The following PDK1 variants were observed in gnomAD, a reference collection of about 807,000 sequenced individuals.
The protein encoded by PDK1 is pyruvate dehydrogenase kinase 1.
In PDK1, 39 loss-of-function variants were observed where a neutral mutation model predicts 54.2. The ratio of observed to expected loss-of-function variants is 0.72; its 90% CI spans 0.56 to 0.94. PDK1 has a LOEUF of 0.94. PDK1 is among the 40% of genes least tolerant of loss of function. PDK1 has a pLI of 0.00. For missense variants in PDK1, 552 were observed against 566.0 expected (o/e 0.98, Z 0.25); for synonymous variants, 221 against 207.1 (o/e 1.07, Z -0.58).
At chr2:172,715,067 G>T in the PDK1 span, among the ~76,000 whole-genome samples, 1 of 152,184 alleles carries the variant, frequency 6.6e-6, no homozygotes, top group African/African-American at 2.4e-5. Flanking sequence ...TCTAATATAT[G>T]TTCTGGATAC....
Position 172,566,865 on chromosome 2 carries a change from A to C in PDK1, c.701A>C (p.Glu234Ala). Residue 234 changes from glutamate (E) to alanine (A), a missense_variant, in exon 6 of 11, where the codon GAA becomes GCA. Glu to Ala is a moderately radical substitution (Grantham distance 107). Transcript: ENST00000282077. The part of the protein sequence containing the change: ...NVLEVIKDGY[E>A]NARRLCDLYY... ...TTTTGATTCACACTAGATGGCTATG[A>C]AAATGCTAGGCGTCTGTGTGATTTG... 1.2e-6 allele frequency: 2 copies of C among 1,608,412 alleles called. No homozygotes were observed. The highest frequency in any genetic ancestry group is 2.2e-5 in the South Asian group (2 of 90,614).
chr2:172,642,218 A>G, the PDK1 span, among the ~76,000 whole-genome samples: 1 of 152,184 alleles, frequency 6.6e-6, no homozygotes, highest in Non-Finnish European at 1.5e-5. Context: ...TATTAACGTT[A>G]AGACTTTTGG....
intron 5 of PDK1, among the ~76,000 whole-genome samples, chr2:172,565,298 TTTTTG>T (rs765465126): frequency 1.3e-5 from 2 of 152,196 alleles, no homozygotes; most frequent in Non-Finnish European, 2.9e-5. Flanking sequence ...GAGGATATCT[TTTTTG>T]TTTTGTTTTG....
the PDK1 span, among the ~76,000 whole-genome samples, chr2:172,661,883 C>T: frequency 3.9e-5 from 6 of 152,158 alleles, no homozygotes; most frequent in Admixed American, 2.0e-4. Context: ...CGGGATCATT[C>T]GTATCTCAAA....
At chr2:172,586,680 T>A (rs1213687637) in intron 9 of PDK1, among the ~76,000 whole-genome samples, 1 of 152,212 alleles carries the variant, frequency 6.6e-6, no homozygotes, top group Admixed American at 6.5e-5. Context: ...ACCACATTAT[T>A]TCTAATGTGG....
chr2:172,647,754 A>C, the PDK1 span, among the ~76,000 whole-genome samples: 1 of 152,224 alleles, frequency 6.6e-6, no homozygotes, highest in African/African-American at 2.4e-5. Flanking sequence ...TAAAATTAGT[A>C]GGTAAAAATT....
chr2:172,620,962 GA>G, the PDK1 span, among the ~76,000 whole-genome samples: 1 of 151,970 alleles, frequency 6.6e-6, no homozygotes, highest in African/African-American at 2.4e-5. Context: ...GCTCAAAGGA[GA>G]AAAAAGAACA....
chr2:172,672,888 G>A, the PDK1 span, among the ~76,000 whole-genome samples: 44,224 of 150,852 alleles, frequency 0.29, 8,018 homozygotes, highest in East Asian at 0.58. Context: ...TTAGCAGCAG[G>A]ACATACCCAA....
chr2:172,660,245 C>CT, the PDK1 span, among the ~76,000 whole-genome samples: 190 of 55,632 alleles, frequency 3.4e-3, 28 homozygotes, highest in African/African-American at 0.012. Flanking sequence ...CTCTCTCTCT[C>CT]TCTTTTTTTT....
At chr2:172,702,489 A>AG in the PDK1 span, among the ~76,000 whole-genome samples, 1 of 151,882 alleles carries the variant, frequency 6.6e-6, no homozygotes, top group Non-Finnish European at 1.5e-5. Flanking sequence ...AAAAAAAAAA[A>AG]AAGACAGAGG....
At chr2:172,646,311 C>A in the PDK1 span, among the ~76,000 whole-genome samples, 3 of 152,030 alleles carry the variant, frequency 2.0e-5, no homozygotes, top group Non-Finnish European at 4.4e-5. Flanking sequence ...GAGAAGGATG[C>A]TAGAAATGAA....
chr2:172,561,921 A>T lies in PDK1; in HGVS notation c.339-299A>T, dbSNP rs555645664. Reference sequence around the variant, plus strand: ...TCAGCATAATCAGTATATATACTGTAATGTACAGTGGTAAATTAAAAAAAA... The same window carrying T: ...TCAGCATAATCAGTATATATACTGTTATGTACAGTGGTAAATTAAAAAAAA... On this transcript the variant is annotated intron_variant, in intron 2 of 10. Coordinates refer to ENST00000282077, the MANE Select transcript of PDK1 (RefSeq NM_002610.5). 9.8e-5 allele frequency among the ~76,000 whole-genome samples: 15 copies of T among 152,326 alleles called. No individual in the cohort carries two copies. The East Asian group carries it at 2.9e-3, about 29-fold the overall frequency.
At chr2:172,560,159 T>C (rs1392548047) in intron 2 of PDK1, among the ~76,000 whole-genome samples, 1 of 152,224 alleles carries the variant, frequency 6.6e-6, no homozygotes, top group Non-Finnish European at 1.5e-5. Context: ...TATTATTTTT[T>C]AAATTAATTT....
the PDK1 span, among the ~76,000 whole-genome samples, chr2:172,707,044 G>A: frequency 6.6e-6 from 1 of 152,138 alleles, no homozygotes; most frequent in African/African-American, 2.4e-5. Flanking sequence ...GGGGGTGGGA[G>A]GTGGCGTTGT....
the PDK1 span, among the ~76,000 whole-genome samples, chr2:172,647,987 G>T: frequency 2.0e-5 from 3 of 152,186 alleles, no homozygotes; most frequent in Non-Finnish European, 4.4e-5. Flanking sequence ...ATGAGAAAAT[G>T]CCAGGCAAAC....
At chr2:172,615,965 G>C in the PDK1 span, among the ~76,000 whole-genome samples, 1 of 152,150 alleles carries the variant, frequency 6.6e-6, no homozygotes, top group African/African-American at 2.4e-5. Context: ...ACACAGCTAC[G>C]AACAGGCACT....
intron 2 of PDK1, among the ~76,000 whole-genome samples, chr2:172,561,135 T>C (rs971455122): frequency 2.0e-5 from 3 of 152,160 alleles, no homozygotes; most frequent in African/African-American, 7.2e-5. Flanking sequence ...ATGGAGAAAA[T>C]ATAATATTCC....
At chr2:172,659,659 C>T in the PDK1 span, among the ~76,000 whole-genome samples, 6 of 152,256 alleles carry the variant, frequency 3.9e-5, no homozygotes, top group Non-Finnish European at 7.4e-5. Context: ...TTGAATCAAT[C>T]GTGAGGAAAG....
chr2:172,722,111 C>T, the PDK1 span, among the ~76,000 whole-genome samples: 40 of 152,258 alleles, frequency 2.6e-4, no homozygotes, highest in African/African-American at 9.4e-4. Flanking sequence ...CCTTCCCTTA[C>T]CACCAGGTGG....
Sources: gnomAD v4.1 joint callset for allele counts (sites outside exome capture counted in the v4.1 genomes callset) on GRCh38, gnomAD v4.1.1 for gene constraint, MANE v1.5 for transcripts, NCBI Gene and HGNC (gene_info 2026-07-23, HGNC 2026-07-21) for gene names.